Variants in TMEM132D observed in about 807,000 individuals in gnomAD.
TMEM132D encodes transmembrane protein 132D, also known as mature OL transmembrane protein.
TMEM132D carries 21 observed loss-of-function variants against 62.3 expected under a neutral mutation model. The ratio of observed to expected loss-of-function variants is 0.34; its 90% CI spans 0.24 to 0.49. The LOEUF (loss-of-function observed/expected upper bound fraction) is 0.49. Among genes scored for constraint, TMEM132D ranks in the 20% least tolerant of loss-of-function variants. The pLI, the probability that TMEM132D is intolerant of heterozygous loss-of-function variation, is 0.99. For synonymous variants in TMEM132D, 621 were observed against 575.6 expected (o/e 1.08, Z -1.13); for missense variants, 1,346 against 1,402.8 (o/e 0.96, Z 0.65).
At chr12:129,810,434 T>C (rs923103380) in intron 1 of TMEM132D, among the ~76,000 whole-genome samples, 2 of 152,132 alleles carry the variant, frequency 1.3e-5, no homozygotes, top group African/African-American at 4.8e-5. Context: ...GACGGCTACA[T>C]TGTTTTTGGT....
chr12:129,500,118 C>A (rs1352347397), intron 3 of TMEM132D, among the ~76,000 whole-genome samples: 1 of 131,400 alleles, frequency 7.6e-6, no homozygotes, highest in African/African-American at 2.9e-5. Context: ...CTGTCCCCCA[C>A]TTCAGTCGAT....
rs148545442 is a variant in TMEM132D, at chr12:129,750,036, C to T, written c.80-49338G>A. ...TCTCCTGGATAGAAAGCATTCAGTC[C>T]GTCTCTACTGACGATGATGCCTGTG... On this transcript the variant is annotated intron_variant, in intron 1 of 8. Coordinates refer to ENST00000422113, the MANE Select transcript of TMEM132D (RefSeq NM_133448.3). Among the ~76,000 whole-genome samples the T allele has an allele frequency of 1.5e-3, 234 of 152,268 alleles. 1 individual carries two copies. The highest frequency in any genetic ancestry group is 5.1e-3 in the African/African-American group (213 of 41,558).
At chr12:129,726,395 A>C (rs1180071548) in intron 1 of TMEM132D, among the ~76,000 whole-genome samples, 1 of 152,104 alleles carries the variant, frequency 6.6e-6, no homozygotes, top group East Asian at 1.9e-4. Flanking sequence ...CAGGAGGTGC[A>C]TTTGGATTGG....
At chr12:129,501,737 C>T (rs75986338) in intron 3 of TMEM132D, among the ~76,000 whole-genome samples, 2,696 of 152,166 alleles carry the variant, frequency 0.018, 36 homozygotes, top group Middle Eastern at 0.054. Context: ...AACTCCTGAG[C>T]TTACCCAATC....
chr12:129,215,960 G>A (rs1825720), intron 4 of TMEM132D, among the ~76,000 whole-genome samples: 74,351 of 151,934 alleles, frequency 0.49, 18,379 homozygotes, highest in East Asian at 0.66. Context: ...CCGCCCGAAT[G>A]CATGATTCAA....
At chr12:129,895,770 C>T (rs531522037) in intron 1 of TMEM132D, among the ~76,000 whole-genome samples, 21 of 152,006 alleles carry the variant, frequency 1.4e-4, no homozygotes, top group African/African-American at 3.9e-4. Context: ...GCTGAAAAGC[C>T]CACCAGCATC....
chr12:129,381,463 T>C (rs1345401356), intron 3 of TMEM132D, among the ~76,000 whole-genome samples: 3 of 152,166 alleles, frequency 2.0e-5, no homozygotes, highest in African/African-American at 7.2e-5. Context: ...ATCCTTTTTG[T>C]TTTTAAAACT....
chr12:129,391,454 A>G (rs561982725), intron 3 of TMEM132D, among the ~76,000 whole-genome samples: 1 of 152,238 alleles, frequency 6.6e-6, no homozygotes, highest in South Asian at 2.1e-4. Flanking sequence ...AAGAAATGGC[A>G]ATCTTCAGAT....
At chr12:129,472,546 C>T (rs951295763) in intron 3 of TMEM132D, among the ~76,000 whole-genome samples, 1 of 151,974 alleles carries the variant, frequency 6.6e-6, no homozygotes, top group Non-Finnish European at 1.5e-5. Context: ...AGGTGTATAC[C>T]TATGTAACAA....
chr12:129,629,715 C>T (rs533662539), intron 2 of TMEM132D, among the ~76,000 whole-genome samples: 2 of 152,164 alleles, frequency 1.3e-5, no homozygotes, highest in South Asian at 2.1e-4. Flanking sequence ...GAAAATCCCC[C>T]GGACAGCCAA....
At chr12:129,195,285 A>C (rs7315614) in intron 5 of TMEM132D, among the ~76,000 whole-genome samples, 74,436 of 151,622 alleles carry the variant, frequency 0.49, 18,443 homozygotes, top group Middle Eastern at 0.55. Context: ...GTCATCAAGA[A>C]GCCCAGTGTG....
chr12:129,808,761 G>A (rs1872075184), intron 1 of TMEM132D, among the ~76,000 whole-genome samples: 1 of 151,124 alleles, frequency 6.6e-6, no homozygotes, highest in Non-Finnish European at 1.5e-5. Flanking sequence ...ACAAAGGCGG[G>A]AAGGAAGGAA....
At chr12:129,806,926 T>C (rs1872008171) in intron 1 of TMEM132D, among the ~76,000 whole-genome samples, 1 of 151,904 alleles carries the variant, frequency 6.6e-6, no homozygotes. Context: ...CCCAGCTACT[T>C]GGGAGGCTGA....
At chr12:129,087,235 C>T (rs570689677) in intron 5 of TMEM132D, among the ~76,000 whole-genome samples, 282 of 152,140 alleles carry the variant, frequency 1.9e-3, no homozygotes, top group African/African-American at 6.6e-3. Context: ...TCTGCCGTTT[C>T]GCGTCTGGTC....
In TMEM132D at chr12:129,561,082, T is replaced by A. The variant is rs367797184; in HGVS notation, c.969-29877A>T. ...GTGCAATGAAGGAAGGAAGGAAAAG[T>A]TAAAGGTGCCATGAGAAAGAAAATT... On this transcript the variant is annotated intron_variant, in intron 2 of 8. Coordinates refer to ENST00000422113, the MANE Select transcript of TMEM132D (RefSeq NM_133448.3). 7.9e-5 allele frequency among the ~76,000 whole-genome samples: 12 copies of A among 152,242 alleles called. No homozygotes were observed. The East Asian group carries it at 2.3e-3, about 29-fold the overall frequency.
chr12:129,435,646 C>A (rs542751503), intron 3 of TMEM132D, among the ~76,000 whole-genome samples: 1 of 152,132 alleles, frequency 6.6e-6, no homozygotes, highest in Non-Finnish European at 1.5e-5. Flanking sequence ...TACCTCTGTT[C>A]CAGGATGATG....
chr12:129,708,127 G>A (rs1037977635), intron 1 of TMEM132D, among the ~76,000 whole-genome samples: 6 of 152,122 alleles, frequency 3.9e-5, no homozygotes, highest in African/African-American at 1.2e-4. Flanking sequence ...TGAGGTGGGA[G>A]AATGGCTTGA....
chr12:129,399,728 C>T (rs1871558874), intron 3 of TMEM132D, among the ~76,000 whole-genome samples: 1 of 151,314 alleles, frequency 6.6e-6, no homozygotes, highest in Non-Finnish European at 1.5e-5. Context: ...ATATGCAGTT[C>T]TACTAAGAAT....
At chr12:129,467,452 A>G (rs1436392864) in intron 3 of TMEM132D, among the ~76,000 whole-genome samples, 2 of 152,150 alleles carry the variant, frequency 1.3e-5, no homozygotes, top group African/African-American at 2.4e-5. Flanking sequence ...TTCATTGGCC[A>G]TGCTTGAGTC....
Sources: allele counts gnomAD v4.1 joint callset (sites outside exome capture counted in the v4.1 genomes callset), GRCh38; gene constraint gnomAD v4.1.1; transcripts MANE v1.5; gene names NCBI Gene and HGNC (gene_info 2026-07-23, HGNC 2026-07-21).